ESRRG: variants seen among roughly 807,000 people sequenced by gnomAD.
ESRRG encodes estrogen-related receptor gamma.
Under a neutral mutation model 44.0 loss-of-function variants are expected in ESRRG, and 13 were observed. The observed-to-expected ratio is 0.30, with a 90% CI of 0.19 to 0.47. ESRRG has a LOEUF of 0.47. ESRRG is among the 20% of genes least tolerant of loss of function. The pLI is 1.00. For missense variants in ESRRG, 395 were observed against 580.6 expected (o/e 0.68, Z 3.29); for synonymous variants, 215 against 214.6 (o/e 1.00, Z -0.02).
intron 1 of ESRRG, among the ~76,000 whole-genome samples, chr1:217,106,864 A>G (rs2092603754): frequency 6.6e-6 from 1 of 152,168 alleles, no homozygotes; most frequent in Non-Finnish European, 1.5e-5. Context: ...ATGGCAAACA[A>G]TAGATTCTGC....
chr1:217,099,322 C>T (rs2092470622), intron 1 of ESRRG, among the ~76,000 whole-genome samples: 1 of 151,566 alleles, frequency 6.6e-6, no homozygotes, highest in East Asian at 1.9e-4. Flanking sequence ...GATATTATTC[C>T]TACCTTATAG....
rs146930525 is a variant in ESRRG, at chr1:217,039,330, G to T, written c.-106+50177C>A. On this transcript the variant is annotated intron_variant, in intron 1 of 7. Transcript: ENST00000359162. The stretch of plus-strand genomic sequence containing the variant: ...TGGTACCATTTTACTGTATTAGTGC[G>T]TTTTCATGCTGCTGATAAATATGTA... 6.6e-3 allele frequency among the ~76,000 whole-genome samples: 1,000 copies of T among 152,174 alleles called. 8 individuals carry two copies. Among genetic ancestry groups the T allele is most frequent in the African/African-American group, 0.023 (964 of 41,520 alleles).
chr1:216,972,574 G>C lies in ESRRG; in HGVS notation c.-105-32901C>G, dbSNP rs552262529. ...GTCACATTGACTCTGCTCATCAACGGACTGTCTGGGTCACTGACATGCTGG... is the reference window on the plus strand; with the variant it reads ...GTCACATTGACTCTGCTCATCAACGCACTGTCTGGGTCACTGACATGCTGG... On this transcript the variant is annotated intron_variant, in intron 1 of 7. Coordinates refer to the ESRRG transcript ENST00000359162. 1.8e-4 allele frequency among the ~76,000 whole-genome samples: 28 copies of C among 152,272 alleles called. No homozygotes were observed. In the South Asian group the frequency reaches 2.5e-3, roughly 14 times the overall value.
intron 2 of ESRRG, among the ~76,000 whole-genome samples, chr1:216,737,448 C>T (rs929193972): frequency 6.6e-6 from 1 of 152,056 alleles, no homozygotes; most frequent in African/African-American, 2.4e-5. Context: ...TTGGTTTCAA[C>T]CTTTGAAAAA....
intron 2 of ESRRG, among the ~76,000 whole-genome samples, chr1:216,913,737 G>A (rs1350429992): frequency 2.0e-5 from 3 of 152,302 alleles, no homozygotes; most frequent in East Asian, 1.9e-4. Context: ...ATGATGTAGT[G>A]CGTGTGATAA....
intron 1 of ESRRG, among the ~76,000 whole-genome samples, chr1:216,976,422 A>C (rs572417792): frequency 6.6e-6 from 1 of 152,134 alleles, no homozygotes; most frequent in Non-Finnish European, 1.5e-5. Flanking sequence ...CTACTCCATG[A>C]GGTTGCAAAT....
chr1:217,071,371 CT>C (rs1400203410), intron 1 of ESRRG, among the ~76,000 whole-genome samples: 1 of 152,160 alleles, frequency 6.6e-6, no homozygotes, highest in Non-Finnish European at 1.5e-5. Flanking sequence ...AGGCTTGGCT[CT>C]GTCACTTATT....
In ESRRG at chr1:216,507,030, G is replaced by A; in HGVS notation, c.1286C>T (p.Thr429Ile). 1 of 1,614,142 alleles carries A rather than the reference G, an allele frequency of 6.2e-7. No individual in the cohort carries two copies. Among genetic ancestry groups the A allele is most frequent in the Non-Finnish European group, 8.5e-7 (1 of 1,180,004 alleles). Reference protein sequence around the residue: ...MTLPLLRQTSTKAVQHFYNIK... With the variant: ...MTLPLLRQTSIKAVQHFYNIK... ...GTTGTAGAAATGCTGCACGGCCTTGGTAGAGGTCTGCCTCAGGAGTGGCAG... is the reference window on the plus strand; with the variant it reads ...GTTGTAGAAATGCTGCACGGCCTTGATAGAGGTCTGCCTCAGGAGTGGCAG... The change falls in exon 7 of 7, where the codon ACC becomes ATC. Residue 429 changes from threonine (T) to isoleucine (I), a missense_variant. Physicochemically the swap from Thr to Ile is moderately conservative, Grantham distance 89 (BLOSUM62 -1). Transcript: ENST00000408911.
intron 1 of ESRRG, among the ~76,000 whole-genome samples, chr1:216,704,279 C>G (rs180963626): frequency 1.3e-5 from 2 of 152,046 alleles, no homozygotes; most frequent in Non-Finnish European, 2.9e-5. Flanking sequence ...TTTGGAAGGC[C>G]GAGGCGGGTG....
At chr1:216,869,377 G>A (rs1325941388) in intron 2 of ESRRG, among the ~76,000 whole-genome samples, 1 of 152,078 alleles carries the variant, frequency 6.6e-6, no homozygotes, top group East Asian at 1.9e-4. Flanking sequence ...ATTTATGTGA[G>A]TTTATTTCTG....
chr1:217,031,175 T>G (rs1384213043), intron 1 of ESRRG, among the ~76,000 whole-genome samples: 1 of 152,256 alleles, frequency 6.6e-6, no homozygotes, highest in Non-Finnish European at 1.5e-5. Flanking sequence ...AGAAACCATG[T>G]GTGACCAGTG....
chr1:216,533,131 T>C (rs1253647381), intron 5 of ESRRG, among the ~76,000 whole-genome samples: 1 of 152,188 alleles, frequency 6.6e-6, no homozygotes, highest in Non-Finnish European at 1.5e-5. Context: ...TTATAATTTG[T>C]ATGTGTAAAT....
chr1:217,136,377 T>G (rs972270538), intron 1 of ESRRG, among the ~76,000 whole-genome samples: 1 of 152,212 alleles, frequency 6.6e-6, no homozygotes, highest in Non-Finnish European at 1.5e-5. Context: ...GCAGATTTCC[T>G]TTCCCAGAAG....
rs1424600129 is a variant in ESRRG at position 216,732,158 on chromosome 1, A to T, written c.-13-54667T>A. ...AAAGGTTTTGTCAACATAAAAAAAAAAAGAAGTGGAATACCCAATATTTTT... is the reference window on the plus strand; with the variant it reads ...AAAGGTTTTGTCAACATAAAAAAAATAAGAAGTGGAATACCCAATATTTTT... On this transcript the variant is annotated intron_variant, in intron 2 of 7. Transcript: ENST00000359162. 3.9e-5 allele frequency among the ~76,000 whole-genome samples: 6 copies of T among 151,998 alleles called. No homozygotes were observed. The South Asian group carries it at 6.2e-4, about 16-fold the overall frequency.
At chr1:216,591,949 T>A (rs543853400) in intron 3 of ESRRG, among the ~76,000 whole-genome samples, 3 of 152,094 alleles carry the variant, frequency 2.0e-5, no homozygotes, top group Non-Finnish European at 4.4e-5. Flanking sequence ...AGCAACTTTA[T>A]AGTGGAAAAG....
chr1:216,701,420 T>C (rs2081366917), intron 1 of ESRRG: 1 of 152,242 alleles, frequency 6.6e-6, no homozygotes, highest in Admixed American at 6.5e-5. Flanking sequence ...TAGATTTCTC[T>C]TAACTGCTTC....
At chr1:216,545,338 C>T (rs2149318829) in intron 5 of ESRRG, among the ~76,000 whole-genome samples, 1 of 151,770 alleles carries the variant, frequency 6.6e-6, no homozygotes, top group Non-Finnish European at 1.5e-5. Context: ...GCTAGGATTA[C>T]AGGCCTTAGC....
At chr1:217,130,243 T>C (rs1221422996) in intron 1 of ESRRG, among the ~76,000 whole-genome samples, 1 of 152,134 alleles carries the variant, frequency 6.6e-6, no homozygotes, top group Non-Finnish European at 1.5e-5. Context: ...TATTTACCTA[T>C]TTATAGAGAG....
chr1:216,563,255 C>A (rs958593058), intron 5 of ESRRG, among the ~76,000 whole-genome samples: 1 of 152,166 alleles, frequency 6.6e-6, no homozygotes, highest in Admixed American at 6.6e-5. Flanking sequence ...TTCCTAACCA[C>A]TGTAACAAAT....
Sources: gnomAD v4.1 joint callset for allele counts (sites outside exome capture counted in the v4.1 genomes callset) on GRCh38, gnomAD v4.1.1 for gene constraint, MANE v1.5 for transcripts, NCBI Gene and HGNC (gene_info 2026-07-23, HGNC 2026-07-21) for gene names.